PUM2: variants seen among roughly 807,000 people sequenced by gnomAD.
The protein encoded by PUM2 is pumilio RNA binding family member 2.
Under a neutral mutation model 124.5 loss-of-function variants are expected in PUM2, and 57 were observed. The observed-to-expected ratio is 0.46, with a 90% CI of 0.37 to 0.57. The LOEUF is 0.57. Among genes scored for constraint, PUM2 ranks in the 20% least tolerant of loss-of-function variants. PUM2 has a pLI of 0.00. For missense variants in PUM2, 1,065 were observed against 1,290.6 expected (o/e 0.83, Z 2.68); for synonymous variants, 460 against 446.1 (o/e 1.03, Z -0.39).
At chr2:20,281,911 C>G (rs191737607) in intron 12 of PUM2, among the ~76,000 whole-genome samples, 36 of 152,264 alleles carry the variant, frequency 2.4e-4, no homozygotes, top group African/African-American at 7.7e-4. Flanking sequence ...GAAGACACTC[C>G]CTTAGAAAAC....
chr2:20,269,182 T>A (rs1168228554), intron 13 of PUM2, among the ~76,000 whole-genome samples: 1 of 151,874 alleles, frequency 6.6e-6, no homozygotes, highest in Non-Finnish European at 1.5e-5. Context: ...ATAAACTGAA[T>A]AAAATTTTAA....
intron 13 of PUM2, among the ~76,000 whole-genome samples, chr2:20,268,968 C>G (rs566824538): frequency 5.9e-5 from 9 of 152,184 alleles, no homozygotes; most frequent in African/African-American, 2.2e-4. Context: ...GACATATCTC[C>G]ATTTTACTTG....
intron 12 of PUM2, among the ~76,000 whole-genome samples, chr2:20,280,954 A>G (rs1572687809): frequency 6.6e-6 from 1 of 152,324 alleles, no homozygotes; most frequent in South Asian, 2.1e-4. Context: ...ACTGTTAAAC[A>G]TTAATAATTT....
intron 13 of PUM2, among the ~76,000 whole-genome samples, chr2:20,274,780 A>C (rs1282910558): frequency 6.6e-6 from 1 of 151,744 alleles, no homozygotes; most frequent in Non-Finnish European, 1.5e-5. Flanking sequence ...AGTAAGTTCC[A>C]CATCAATCAA....
intron 19 of PUM2, among the ~76,000 whole-genome samples, 188 bp downstream of exon 19, chr2:20,254,675 T>C (rs1040328617): frequency 2.0e-5 from 3 of 152,128 alleles, no homozygotes; most frequent in African/African-American, 7.2e-5. Context: ...TGAACATATG[T>C]GGGCAAAACA....
intron 16 of PUM2, 133 bp downstream of exon 16, chr2:20,258,110 A>T: frequency 1.3e-6 from 1 of 793,706 alleles, no homozygotes; most frequent in Non-Finnish European, 1.9e-6. Context: ...TTTAGGACAC[A>T]GTAACAACAT....
chr2:20,307,474 T>A (rs1678621648), intron 7 of PUM2, among the ~76,000 whole-genome samples: 1 of 152,156 alleles, frequency 6.6e-6, no homozygotes, highest in Non-Finnish European at 1.5e-5. Context: ...ACTGTAATAA[T>A]TTAAGTGTAG....
chr2:20,296,663 A>G (rs1675678919), intron 8 of PUM2, among the ~76,000 whole-genome samples: 1 of 140,444 alleles, frequency 7.1e-6, no homozygotes, highest in Non-Finnish European at 1.5e-5. Context: ...TAGCAGACTC[A>G]TTCCAATAAA....
At chr2:20,321,191 G>C (rs1041428698) in intron 2 of PUM2, among the ~76,000 whole-genome samples, 1 of 152,154 alleles carries the variant, frequency 6.6e-6, no homozygotes, top group Non-Finnish European at 1.5e-5. Flanking sequence ...AGGAGGCTGG[G>C]CAAGAAAATT....
chr2:20,278,504 T>G, intron 13 of PUM2, 79 bp downstream of exon 13: 1 of 1,183,544 alleles, frequency 8.4e-7, no homozygotes, highest in Non-Finnish European at 1.2e-6. Flanking sequence ...ATTAAATATT[T>G]TACATATATT....
At chr2:20,324,629 G>A (rs1408597157) in intron 2 of PUM2, among the ~76,000 whole-genome samples, 2 of 152,076 alleles carry the variant, frequency 1.3e-5, no homozygotes, top group Admixed American at 1.3e-4. Flanking sequence ...GATTAGTTTT[G>A]CTCTTTTTAA....
chr2:20,293,849 T>C (rs1048788325), intron 9 of PUM2, among the ~76,000 whole-genome samples: 6 of 152,130 alleles, frequency 3.9e-5, no homozygotes, highest in Admixed American at 3.9e-4. Flanking sequence ...TTTATTATAG[T>C]GTTTTTAGAT....
At chr2:20,257,043 C>CA (rs58072146) in intron 16 of PUM2, among the ~76,000 whole-genome samples, 1,511 of 71,746 alleles carry the variant, frequency 0.021, 175 homozygotes, top group African/African-American at 0.03. Flanking sequence ...GATTCCGTCT[C>CA]AAAAAAAAAA....
intron 15 of PUM2, among the ~76,000 whole-genome samples, chr2:20,258,889 G>T (rs1016495547): frequency 6.7e-6 from 1 of 150,192 alleles, no homozygotes; most frequent in Non-Finnish European, 1.5e-5. Context: ...GGATGGTCTC[G>T]ATCTCCTGAC....
chr2:20,276,455 A>G (rs1670289719), intron 13 of PUM2, among the ~76,000 whole-genome samples: 1 of 152,042 alleles, frequency 6.6e-6, no homozygotes, highest in African/African-American at 2.4e-5. Flanking sequence ...ATTCCAACCA[A>G]TTCTAATGAG....
At chr2:20,351,527 T>C, upstream of PUM2, among the ~76,000 whole-genome samples, 1 of 152,216 alleles carries the variant, frequency 6.6e-6, no homozygotes, top group Non-Finnish European at 1.5e-5. Context: ...TGATTCTCAC[T>C]CGTTGGCTGT....
Position 20,263,013 on chromosome 2 carries a change from T to C in PUM2, c.2225+180A>G, listed in dbSNP as rs182168317. ...TAAAAAACTGGAAAACTATAAAAAA[T>C]TAAAACCCGTATTTTTATAATTTAT... On this transcript the variant is annotated intron_variant, in intron 14 of 20. Coordinates refer to ENST00000361078, the MANE Select transcript of PUM2 (RefSeq NM_015317.5). 3.3e-3 allele frequency among the ~76,000 whole-genome samples: 500 copies of C among 152,252 alleles called. 12 individuals carry two copies. Among genetic ancestry groups the C allele is most frequent in the Admixed American group, 0.029 (444 of 15,286 alleles).
At chr2:20,266,227 G>A (rs950209417) in intron 13 of PUM2, among the ~76,000 whole-genome samples, 4 of 152,238 alleles carry the variant, frequency 2.6e-5, no homozygotes, top group East Asian at 1.9e-4. Context: ...CACATAGCTC[G>A]AGGTCATGAG....
chr2:20,256,835 CAGG>C (rs1664891473), intron 16 of PUM2, among the ~76,000 whole-genome samples: 1 of 151,944 alleles, frequency 6.6e-6, no homozygotes, highest in African/African-American at 2.4e-5. Flanking sequence ...CACCTGAGCT[CAGG>C]AGTTTTGAGA....
Sources: allele counts gnomAD v4.1 joint callset (sites outside exome capture counted in the v4.1 genomes callset), GRCh38; gene constraint gnomAD v4.1.1; transcripts MANE v1.5; gene names NCBI Gene and HGNC (gene_info 2026-07-23, HGNC 2026-07-21).